MACF1: variants seen among roughly 807,000 people sequenced by gnomAD.
MACF1 encodes the protein microtubule-actin cross-linking factor 1.
A neutral mutation model predicts 854.8 loss-of-function variants in MACF1; 193 were observed. That is an observed-to-expected ratio of 0.23 (90% CI 0.20 to 0.25). The LOEUF is 0.25. MACF1 is among the 10% of genes least tolerant of loss of function. MACF1 has a pLI of 1.00. For synonymous variants in MACF1, 3,185 were observed against 3,226.7 expected (o/e 0.99, Z 0.44); for missense variants, 7,722 against 8,929.1 (o/e 0.86, Z 5.45).
At chr1:39,307,808 G>A (rs550365014) in intron 23 of MACF1, among the ~76,000 whole-genome samples, 56 of 151,516 alleles carry the variant, frequency 3.7e-4, no homozygotes, top group Admixed American at 1.7e-3. Flanking sequence ...TCCTGACCTC[G>A]TGGTTCACCT....
upstream of MACF1, among the ~76,000 whole-genome samples, chr1:39,202,452 C>T (rs776196469): frequency 2.6e-5 from 4 of 151,248 alleles, no homozygotes; most frequent in South Asian, 2.1e-4. Context: ...CTGGCCAATG[C>T]GGTGAAACCC....
chr1:39,411,115 A>G (rs757514761), intron 58 of MACF1: 15 of 1,613,544 alleles, frequency 9.3e-6, no homozygotes, highest in Middle Eastern at 1.6e-4. Context: ...CACAGCCTGC[A>G]CTGTGGAAAT....
chr1:39,245,181 T>C (rs779276511), intron 2 of MACF1, among the ~76,000 whole-genome samples: 5 of 152,204 alleles, frequency 3.3e-5, no homozygotes, highest in Non-Finnish European at 5.9e-5. Context: ...TGGTGTGAAA[T>C]TAACTTTACA....
In MACF1 at chr1:39,409,228, G is replaced by C. The variant is rs1378232228; in HGVS notation, c.15817-13146G>C. Among the ~76,000 whole-genome samples the C allele has an allele frequency of 3.9e-5, 6 of 152,114 alleles. No individual in the cohort carries two copies. The highest frequency in any genetic ancestry group is 9.7e-5 in the African/African-American group (4 of 41,442). ...GGGCGGGGAGGACGGCGGGGCCGCGGGGCCAGCGGCGTGGTGGAGAATAGA... is the reference window on the plus strand; with the variant it reads ...GGGCGGGGAGGACGGCGGGGCCGCGCGGCCAGCGGCGTGGTGGAGAATAGA... On this transcript the variant is annotated intron_variant, in intron 58 of 100. Transcript: ENST00000564288. This position sits in a 1 kb window ranked among gnomAD's most constrained non-coding sequence, Gnocchi z 4.2.
intron 38 of MACF1, among the ~76,000 whole-genome samples, chr1:39,340,227 G>C (rs1419766868): frequency 6.6e-6 from 1 of 152,150 alleles, no homozygotes; most frequent in African/African-American, 2.4e-5. Context: ...AGTCCTGGCT[G>C]TACTGCTTAC....
In MACF1 at chr1:39,447,997, T is replaced by A. The variant is rs747813830; in HGVS notation, c.19969-36T>A. The A allele has an allele frequency of 1.9e-5, 30 of 1,613,360 alleles. 1 individual carries two copies. The highest frequency in any genetic ancestry group is 8.5e-7 in the Non-Finnish European group (1 of 1,179,634). On this transcript the variant is annotated intron_variant, in intron 82 of 100. Transcript: ENST00000564288. ...TCAAACGTGCTGTATAGTGTGTATA[T>A]TCATTCCTGTTAACTTATTTCTTAT...
chr1:39,458,630 A>T, intron 90 of MACF1, 140 bp downstream of exon 90: 2 of 1,108,202 alleles, frequency 1.8e-6, no homozygotes, highest in South Asian at 1.9e-5. Context: ...CATTTTTGAA[A>T]CTCACTTTTC....
intron 44 of MACF1, 27 bp from the exon 45 acceptor site, chr1:39,357,348 T>C (rs1457497961): frequency 6.3e-7 from 1 of 1,598,346 alleles, no homozygotes; most frequent in East Asian, 2.2e-5. Flanking sequence ...TGATTGTCCT[T>C]TGTTTGGGGG....
At chr1:39,152,158 A>G (rs1186031593) in intron 2 of MACF1, among the ~76,000 whole-genome samples, 1 of 152,020 alleles carries the variant, frequency 6.6e-6, no homozygotes, top group Non-Finnish European at 1.5e-5. Context: ...TATTTTTAGT[A>G]GAAATGGGGT....
At chr1:39,442,347 T>C (rs1442760686) in intron 76 of MACF1, 27 bp downstream of exon 76, 1 of 1,600,448 alleles carries the variant, frequency 6.2e-7, no homozygotes, top group Non-Finnish European at 8.5e-7. Context: ...ATGACATCAG[T>C]GAACTACTCT....
intron 22 of MACF1, 23 bp downstream of exon 22, chr1:39,300,385 T>C: frequency 6.2e-7 from 1 of 1,603,238 alleles, no homozygotes; most frequent in Non-Finnish European, 8.5e-7. Context: ...AAAGGGTACC[T>C]CTGGGCCACA....
intron 21 of MACF1, among the ~76,000 whole-genome samples, chr1:39,299,623 T>C (rs1645999766): frequency 6.6e-6 from 1 of 152,328 alleles, no homozygotes; most frequent in Non-Finnish European, 1.5e-5. Flanking sequence ...AAACCCTAAA[T>C]CATTTGTCAT....
At chr1:39,249,515 G>T (rs1645017150) in intron 2 of MACF1, among the ~76,000 whole-genome samples, 1 of 152,148 alleles carries the variant, frequency 6.6e-6, no homozygotes, top group African/African-American at 2.4e-5. Context: ...TTCCCACAAA[G>T]AAAATTATTC....
chr1:39,220,321 C>T (rs1313936023), intron 1 of MACF1, among the ~76,000 whole-genome samples: 2 of 151,096 alleles, frequency 1.3e-5, no homozygotes, highest in Admixed American at 1.3e-4. Flanking sequence ...TACAGGAGCG[C>T]ACCACCTTGC....
Position 39,479,869 on chromosome 1 carries a change from C to G in MACF1, c.22030C>G (p.Pro7344Ala). The change falls in exon 98 of 101, where the codon CCC (proline) becomes GCC (alanine). Residue 7344 changes from proline to alanine, a missense_variant. Pro to Ala is a conservative substitution (Grantham distance 27). Around this residue, in one of 15 missense-constraint regions of MACF1, gnomAD observed 153 missense variants for 342.5 expected, o/e 0.45. Transcript: ENST00000564288. ...LPEGASQGMTPFRSRGRRSKP... is the reference protein window; with the variant it reads ...LPEGASQGMTAFRSRGRRSKP... ...AGAGGGAGCATCCCAGGGAATGACC[C>G]CCTTCCGCTCACGGGGTCGAAGGTC... 2.5e-6 allele frequency: 4 copies of G among 1,614,240 alleles called. No homozygotes were observed. Among genetic ancestry groups the G allele is most frequent in the Non-Finnish European group, 3.4e-6 (4 of 1,180,042 alleles).
chr1:39,233,161 A>C (rs144021282), intron 2 of MACF1, among the ~76,000 whole-genome samples: 3,982 of 152,024 alleles, frequency 0.026, 93 homozygotes, highest in Middle Eastern at 0.078. Flanking sequence ...CAGCCTCCCG[A>C]GTAGCTGGGA....
intron 21 of MACF1, among the ~76,000 whole-genome samples, chr1:39,299,750 A>T (rs1194526578): frequency 6.6e-5 from 10 of 152,230 alleles, no homozygotes; most frequent in Non-Finnish European, 1.0e-4. Flanking sequence ...AATTATTTTT[A>T]AAAATTTAAA....
Position 39,427,513 on chromosome 1 carries a change from C to G in MACF1, c.16375C>G (p.Pro5459Ala). 6.2e-7 allele frequency: 1 copy of G among 1,614,068 alleles called. No individual in the cohort carries two copies. The highest frequency in any genetic ancestry group is 1.1e-5 in the South Asian group (1 of 91,074). Residue 5459 changes from proline to alanine, a missense_variant, in exon 62 of 101, where the codon CCT becomes GCT. By Grantham distance (27) the Pro-to-Ala change is conservative. Coordinates refer to ENST00000564288, the MANE Select transcript of MACF1 (RefSeq NM_001394062.1). Reference protein sequence around the residue: ...LAKQFHETAEPISDFLSVTEK... With the variant: ...LAKQFHETAEAISDFLSVTEK... ...CAAACAGTTCCATGAGACAGCTGAG[C>G]CTATTTCTGACTTCTTATCTGTCAC...
At chr1:39,268,089 A>G (rs921211993) in intron 6 of MACF1, among the ~76,000 whole-genome samples, 1 of 152,124 alleles carries the variant, frequency 6.6e-6, no homozygotes. Context: ...TTCATTTTGT[A>G]GTTTGGGAGC....
Sources: gnomAD v4.1 joint callset for allele counts (sites outside exome capture counted in the v4.1 genomes callset) on GRCh38, gnomAD v4.1.1 for gene constraint, gnomAD v4.1.1 regional missense constraint, Gnocchi (gnomAD v3.1) non-coding constraint, MANE v1.5 for transcripts, NCBI Gene and HGNC (gene_info 2026-07-23, HGNC 2026-07-21) for gene names.